ZPBP: variants seen among roughly 807,000 people sequenced by gnomAD.
ZPBP encodes the protein zona pellucida binding protein.
A neutral mutation model predicts 44.8 loss-of-function variants in ZPBP; 26 were observed. The ratio of observed to expected loss-of-function variants is 0.58; its 90% confidence interval spans 0.43 to 0.81. The LOEUF is 0.81. Among genes scored for constraint, ZPBP ranks in the 30% least tolerant of loss-of-function variants. The probability of loss-of-function intolerance (pLI) is 0.00; values close to 1 mark genes in which losing one functional copy is unlikely to be tolerated. For synonymous variants in ZPBP, 174 were observed against 153.2 expected (o/e 1.14, Z -1.00); for missense variants, 409 against 434.0 (o/e 0.94, Z 0.51).
downstream of ZPBP, among the ~76,000 whole-genome samples, chr7:49,933,713 T>C (rs1794528539): frequency 6.6e-6 from 1 of 152,136 alleles, no homozygotes; most frequent in Non-Finnish European, 1.5e-5. Flanking sequence ...CATGGAATAC[T>C]ATGCAGCCAT....
chr7:50,052,974 A>G (rs1188225711), intron 4 of ZPBP, among the ~76,000 whole-genome samples: 3 of 152,188 alleles, frequency 2.0e-5, no homozygotes, highest in Non-Finnish European at 4.4e-5. Context: ...AAAGGTCAAC[A>G]CAAGGTATCC....
intron 6 of ZPBP, among the ~76,000 whole-genome samples, chr7:50,001,822 G>C (rs1332328695): frequency 1.6e-4 from 24 of 152,162 alleles, no homozygotes; most frequent in Non-Finnish European, 1.5e-5. Flanking sequence ...ATTGTTAGTA[G>C]TAAAATGTAA....
intron 2 of ZPBP, among the ~76,000 whole-genome samples, chr7:49,890,805 G>A (rs1792096568): frequency 6.6e-6 from 1 of 151,866 alleles, no homozygotes; most frequent in Non-Finnish European, 1.5e-5. Context: ...GGAAAGGAAG[G>A]CTCACTGAGA....
rs193116032 is a variant in ZPBP, at chr7:50,085,292, T to C, written c.209-3393A>G. Reference sequence around the variant, plus strand: ...ACCAACTCTGCCAATACTTTGATTTTTGATTTCTAGCCTCTATAACTGTAA... The same window carrying C: ...ACCAACTCTGCCAATACTTTGATTTCTGATTTCTAGCCTCTATAACTGTAA... On this transcript the variant is annotated intron_variant, in intron 2 of 7. Coordinates refer to ENST00000046087, the MANE Select transcript of ZPBP (RefSeq NM_007009.3). 2.6e-5 allele frequency among the ~76,000 whole-genome samples: 4 copies of C among 152,258 alleles called. No homozygotes were observed. In the East Asian group the frequency reaches 7.7e-4, roughly 29 times the overall value.
At chr7:49,864,589 G>T (rs1049310609) in intron 2 of ZPBP, among the ~76,000 whole-genome samples, 7 of 152,194 alleles carry the variant, frequency 4.6e-5, no homozygotes, top group Non-Finnish European at 1.0e-4. Flanking sequence ...GCTGCAGGTT[G>T]TTGTCAGCCT....
intron 7 of ZPBP, among the ~76,000 whole-genome samples, chr7:49,971,867 C>T (rs185029556): frequency 2.5e-3 from 377 of 151,760 alleles, no homozygotes; most frequent in African/African-American, 8.3e-3. Flanking sequence ...AAACAAAATT[C>T]AATAACATAC....
chr7:49,846,555 C>A (rs1277197652), downstream of ZPBP, among the ~76,000 whole-genome samples: 1 of 152,196 alleles, frequency 6.6e-6, no homozygotes, highest in Non-Finnish European at 1.5e-5. Flanking sequence ...CAAGGCTTAT[C>A]ACTGTAGAAA....
the ZPBP span, among the ~76,000 whole-genome samples, chr7:49,844,467 C>T: frequency 5.3e-4 from 80 of 152,176 alleles, 1 homozygote; most frequent in Middle Eastern, 0.017. Context: ...TAAATACTTC[C>T]CTGGGCAATA....
chr7:50,012,079 G>A (rs1035428819), intron 6 of ZPBP, among the ~76,000 whole-genome samples: 10 of 149,658 alleles, frequency 6.7e-5, no homozygotes, highest in Admixed American at 1.3e-4. Flanking sequence ...AACTGAAAAT[G>A]AGAGAGAACA....
intron 3 of ZPBP, among the ~76,000 whole-genome samples, chr7:50,070,660 C>G (rs1801791204): frequency 6.6e-6 from 1 of 152,018 alleles, no homozygotes; most frequent in Admixed American, 6.5e-5. Flanking sequence ...GTGCACCAGC[C>G]CAGTTGGATT....
At chr7:49,852,208 C>CA (rs748951617) in intron 2 of ZPBP, among the ~76,000 whole-genome samples, 3 of 152,196 alleles carry the variant, frequency 2.0e-5, no homozygotes, top group Non-Finnish European at 4.4e-5. Context: ...ACATGGCCTG[C>CA]ATCAAAAGTC....
rs778142618 is a variant in ZPBP, at chr7:50,093,118, G to C, written c.77C>G (p.Ala26Gly). The change falls in exon 1 of 8, where the codon GCC (alanine) becomes GGC (glycine). Residue 26 changes from alanine to glycine, a missense_variant. Around this residue, in one of 2 missense-constraint regions of ZPBP, gnomAD observed 367 missense variants for 363.1 expected, o/e 1.01. Transcript: ENST00000046087. ...GGCGGAGATAAAGAGGAGGATGGCG[G>C]CCCGAGAGAGCAGGGAGCCGGCGGC... ...TRAAGSLLSR[A>G]AILLFISAFL... The C allele has an allele frequency of 8.8e-6, 14 of 1,582,362 alleles. No individual in the cohort carries two copies. Among genetic ancestry groups the C allele is most frequent in the Non-Finnish European group, 1.0e-5 (12 of 1,165,176 alleles).
intron 7 of ZPBP, among the ~76,000 whole-genome samples, chr7:49,969,379 G>A (rs953678872): frequency 6.7e-6 from 1 of 150,274 alleles, no homozygotes; most frequent in Non-Finnish European, 1.5e-5. Context: ...ACAATTAAGA[G>A]AAAATATAAC....
chr7:49,871,537 G>A (rs532589255), intron 2 of ZPBP, among the ~76,000 whole-genome samples: 1 of 152,146 alleles, frequency 6.6e-6, no homozygotes, highest in African/African-American at 2.4e-5. Flanking sequence ...GTGTCTTTAA[G>A]CAGAAAAACG....
Position 49,952,200 on chromosome 7 carries a change from T to A in ZPBP, c.962-14578A>T, listed in dbSNP as rs549042509. ...TGCTATTAAATTGTTCACATTAAAA[T>A]GGTGAATTTTAATTAATGTGAATTT... On this transcript the variant is annotated intron_variant, in intron 7 of 7. Transcript: ENST00000046087. Among the ~76,000 whole-genome samples the A allele has an allele frequency of 5.9e-5, 9 of 152,056 alleles. No individual in the cohort carries two copies. In the East Asian group the frequency reaches 1.5e-3, roughly 26 times the overall value.
At chr7:50,027,673 GT>G (rs1799400119) in intron 5 of ZPBP, among the ~76,000 whole-genome samples, 1 of 151,908 alleles carries the variant, frequency 6.6e-6, no homozygotes, top group South Asian at 2.1e-4. Context: ...AACAAAACTG[GT>G]TTTTGGAAAA....
At chr7:50,009,793 T>C (rs1798487811) in intron 6 of ZPBP, among the ~76,000 whole-genome samples, 1 of 152,090 alleles carries the variant, frequency 6.6e-6, no homozygotes, top group South Asian at 2.1e-4. Flanking sequence ...ATATCAAGTT[T>C]ACAAGAAACT....
intron 7 of ZPBP, among the ~76,000 whole-genome samples, chr7:49,957,111 G>T (rs752992198): frequency 6.6e-6 from 1 of 152,088 alleles, no homozygotes; most frequent in Non-Finnish European, 1.5e-5. Flanking sequence ...TCTGTCTCAC[G>T]CCCTCTCTTT....
chr7:50,029,749 C>G (rs1409901226), intron 5 of ZPBP, among the ~76,000 whole-genome samples: 2 of 152,162 alleles, frequency 1.3e-5, no homozygotes. Context: ...TGGAGAAATG[C>G]AAATCAAGCC....
Sources: gnomAD v4.1 joint callset for allele counts (sites outside exome capture counted in the v4.1 genomes callset) on GRCh38, gnomAD v4.1.1 for gene constraint, gnomAD v4.1.1 regional missense constraint, MANE v1.5 for transcripts, NCBI Gene and HGNC (gene_info 2026-07-23, HGNC 2026-07-21) for gene names.